The following UBE2W variants were observed in gnomAD, a reference collection of about 807,000 sequenced individuals.
The protein encoded by UBE2W is ubiquitin-conjugating enzyme E2 W.
In UBE2W, 18 loss-of-function variants were observed where a neutral mutation model predicts 27.2. That is an observed-to-expected ratio of 0.66 (90% CI 0.46 to 0.98). The LOEUF is 0.98. UBE2W is among the 50% of genes least tolerant of loss of function. The pLI is 0.00. For synonymous variants in UBE2W, 53 were observed against 57.2 expected, an observed-to-expected ratio of 0.93 and a Z score of 0.33; for missense variants, 90 against 180.2, an observed-to-expected ratio of 0.50 and a Z score of 2.87.
chr8:73,874,716 T>G (rs2131000983), intron 1 of UBE2W, among the ~76,000 whole-genome samples: 1 of 152,316 alleles, frequency 6.6e-6, no homozygotes, highest in African/African-American at 2.4e-5. Context: ...AATGTAGATC[T>G]GTTTAACTCC....
At chr8:73,810,050 T>C (rs1264885598) in intron 4 of UBE2W, among the ~76,000 whole-genome samples, 1 of 152,182 alleles carries the variant, frequency 6.6e-6, no homozygotes, top group Non-Finnish European at 1.5e-5. Flanking sequence ...AGGGAAGCTC[T>C]GGTTCCTGAA....
chr8:73,796,087 G>A (rs1808404342), intron 5 of UBE2W, among the ~76,000 whole-genome samples: 2 of 142,834 alleles, frequency 1.4e-5, no homozygotes, highest in South Asian at 4.4e-4. Flanking sequence ...AAAAAAAAGG[G>A]GGATGTTCTT....
chr8:73,857,821 AAAT>A (rs1419560776), intron 1 of UBE2W, among the ~76,000 whole-genome samples: 1 of 152,026 alleles, frequency 6.6e-6, no homozygotes, highest in Admixed American at 6.6e-5. Context: ...CCGTCTTAAA[AAAT>A]AATGATAAAT....
intron 4 of UBE2W, among the ~76,000 whole-genome samples, chr8:73,809,917 G>A: frequency 6.6e-6 from 1 of 151,514 alleles, no homozygotes; most frequent in East Asian, 1.9e-4. Flanking sequence ...TTTTCTTTTT[G>A]TTTTTTTTCC....
At chr8:73,780,176 G>C (rs550116268) in exon 5 of UBE2W, 17 of 162,296 alleles carry the variant, frequency 1.0e-4, no homozygotes, top group African/African-American at 3.8e-4. Flanking sequence ...GCAGAATCAT[G>C]TTCTCTCCCA....
rs879190021 is a variant in UBE2W at position 73,793,705 on chromosome 8, T to C, written c.*397A>G. The stretch of plus-strand genomic sequence containing the variant: ...GCCCTATCATGCATTAATCATTGAA[T>C]GGCAGGAGTTAATGAAAACTTTTCC... On this transcript the variant is annotated 3_prime_UTR_variant, in exon 6 of 6. Transcript: ENST00000602593. The C allele has an allele frequency of 1.1e-5, 11 of 997,826 alleles. No homozygotes were observed. The highest frequency in any genetic ancestry group is 4.6e-5 in the South Asian group (1 of 21,812). The allele number at this position is 997,826 out of a possible 1,614,324, so 61.8% of individuals were successfully genotyped here.
chr8:73,808,450 C>T (rs1435005036), intron 4 of UBE2W, among the ~76,000 whole-genome samples: 1 of 152,226 alleles, frequency 6.6e-6, no homozygotes, highest in Non-Finnish European at 1.5e-5. Context: ...CTAGGCTGCT[C>T]TTGAACTCCT....
intron 3 of UBE2W, among the ~76,000 whole-genome samples, chr8:73,819,573 A>G (rs760292567): frequency 1.3e-5 from 2 of 152,218 alleles, no homozygotes; most frequent in Non-Finnish European, 2.9e-5. Flanking sequence ...CCTAGCATAA[A>G]AAAGCAGAAT....
Position 73,790,436 on chromosome 8 carries a change from T to C in UBE2W, c.*3666A>G. The C allele has an allele frequency of 1.0e-6, 1 of 985,258 alleles. No individual in the cohort carries two copies. The highest frequency in any genetic ancestry group is 1.1e-4 in the East Asian group (1 of 8,818). 61.0% of individuals were successfully genotyped at this position (985,258 alleles called of 1,614,324 possible). ...AGAACAGTATAGTAGCTGATTCTGA[T>C]AATGAATCCTCAGAAAAGAAGAATA... On this transcript the variant is annotated 3_prime_UTR_variant, in exon 6 of 6. Transcript: ENST00000602593.
chr8:73,874,726 C>T (rs1812146227), intron 1 of UBE2W, among the ~76,000 whole-genome samples: 1 of 152,114 alleles, frequency 6.6e-6, no homozygotes, highest in Admixed American at 6.5e-5. Flanking sequence ...TGTTTAACTC[C>T]TATCAATTTT....
chr8:73,822,862 A>C (rs1220214898), intron 3 of UBE2W, among the ~76,000 whole-genome samples: 3 of 152,158 alleles, frequency 2.0e-5, no homozygotes. Flanking sequence ...GCTACCTTTC[A>C]AATGTAGGAG....
rs1284269404 is a variant in UBE2W at position 73,878,793 on chromosome 8, G to A, written c.15+15C>T. The A allele has an allele frequency of 1.9e-6, 3 of 1,548,546 alleles. No individual in the cohort carries two copies. The highest frequency in any genetic ancestry group is 2.5e-5 in the East Asian group (1 of 40,738). ...CGGCTCCCTGGCCCGCCCAGATGCA[G>A]CAAACTCCTCTCACCTGCATTGACG... On this transcript the variant is annotated intron_variant, in intron 1 of 5. Coordinates refer to ENST00000602593, the MANE Select transcript of UBE2W (RefSeq NM_018299.6).
At chr8:73,869,536 CA>C (rs1198420223) in intron 1 of UBE2W, among the ~76,000 whole-genome samples, 1 of 152,126 alleles carries the variant, frequency 6.6e-6, no homozygotes, top group Non-Finnish European at 1.5e-5. Context: ...ACTAAAAATA[CA>C]AAAATTAGCT....
downstream of UBE2W, among the ~76,000 whole-genome samples, chr8:73,785,139 G>A (rs1342047025): frequency 2.0e-5 from 3 of 152,008 alleles, no homozygotes; most frequent in Admixed American, 6.6e-5. Context: ...ACATTTTTCA[G>A]GTCATGACAA....
rs1252739146 is a variant in UBE2W, at chr8:73,789,783, A to G, written c.*4319T>C. On this transcript the variant is annotated 3_prime_UTR_variant, in exon 6 of 6. Transcript: ENST00000602593. ...GACCCAGGAGGTGGAGATTGAAATG[A>G]GCCAAGATCGTGCACTGCACTAAAG... The G allele has an allele frequency of 2.1e-6, 1 of 479,334 alleles. No homozygotes were observed. 29.7% of individuals were successfully genotyped at this position (479,334 alleles called of 1,614,324 possible).
intron 1 of UBE2W, among the ~76,000 whole-genome samples, chr8:73,875,969 T>G (rs1348654600): frequency 1.3e-5 from 2 of 151,980 alleles, no homozygotes; most frequent in East Asian, 3.9e-4. Flanking sequence ...GGAGAATTGC[T>G]AGAACCCTGG....
At chr8:73,843,420 GC>G (rs1324266208) in intron 1 of UBE2W, among the ~76,000 whole-genome samples, 2 of 152,110 alleles carry the variant, frequency 1.3e-5, no homozygotes, top group Admixed American at 1.3e-4. Context: ...ATTACTTGCA[GC>G]CAGGTGTATA....
chr8:73,781,157 C>T (rs946012826), intron 4 of UBE2W, among the ~76,000 whole-genome samples: 1 of 151,032 alleles, frequency 6.6e-6, no homozygotes, highest in African/African-American at 2.4e-5. Flanking sequence ...GTAATCCCAG[C>T]TACTTAGGAG....
At chr8:73,815,384 C>A (rs1257634442) in intron 3 of UBE2W, among the ~76,000 whole-genome samples, 1 of 151,666 alleles carries the variant, frequency 6.6e-6, no homozygotes, top group African/African-American at 2.4e-5. Flanking sequence ...GGAAAAAAAA[C>A]AAAAAACAAA....
Sources: gnomAD v4.1 joint callset for allele counts (sites outside exome capture counted in the v4.1 genomes callset) on GRCh38, gnomAD v4.1.1 for gene constraint, MANE v1.5 for transcripts, NCBI Gene and HGNC (gene_info 2026-07-23, HGNC 2026-07-21) for gene names.